The following SGMS1 variants were observed in gnomAD, a reference collection of about 807,000 sequenced individuals.
The protein encoded by SGMS1 is phosphatidylcholine:ceramide cholinephosphotransferase 1.
In SGMS1, 13 loss-of-function variants were observed where a neutral mutation model predicts 46.2. The ratio of observed to expected loss-of-function variants is 0.28; its 90% CI spans 0.18 to 0.45. The LOEUF (loss-of-function observed/expected upper bound fraction) is 0.45. Among genes scored for constraint, SGMS1 ranks in the 20% least tolerant of loss-of-function variants. SGMS1 has a pLI of 1.00. For synonymous variants in SGMS1, 203 were observed against 187.8 expected, an observed-to-expected ratio of 1.08 and a Z score of -0.66; for missense variants, 324 against 519.9, an observed-to-expected ratio of 0.62 and a Z score of 3.66.
chr10:50,503,389 G>C (rs763347411), intron 3 of SGMS1, among the ~76,000 whole-genome samples: 1 of 152,042 alleles, frequency 6.6e-6, no homozygotes, highest in Non-Finnish European at 1.5e-5. Flanking sequence ...CCTGTGACCC[G>C]CATGTACACA....
intron 7 of SGMS1, among the ~76,000 whole-genome samples, chr10:50,330,739 C>A (rs1325023469): frequency 6.6e-6 from 1 of 152,072 alleles, no homozygotes; most frequent in East Asian, 1.9e-4. Flanking sequence ...AGGCAATACA[C>A]AAGGGAGAGC....
intron 2 of SGMS1, among the ~76,000 whole-genome samples, chr10:50,538,383 G>A (rs941628535): frequency 3.3e-5 from 5 of 150,932 alleles, no homozygotes; most frequent in East Asian, 3.9e-4. Flanking sequence ...GCATGAACCC[G>A]GGAGGCGGAG....
At chr10:50,580,298 A>G (rs1392496575) in intron 2 of SGMS1, among the ~76,000 whole-genome samples, 2 of 152,198 alleles carry the variant, frequency 1.3e-5, no homozygotes, top group Non-Finnish European at 1.5e-5. Context: ...CAATAAAAAC[A>G]AAACCTACAA....
chr10:50,604,641 T>C (rs886110294), intron 1 of SGMS1, among the ~76,000 whole-genome samples: 3 of 152,236 alleles, frequency 2.0e-5, no homozygotes, highest in African/African-American at 7.2e-5. Flanking sequence ...ATTTGACTGA[T>C]TGCCAAATGT....
chr10:50,311,123 C>A, intron 9 of SGMS1, 139 bp downstream of exon 9: 1 of 959,448 alleles, frequency 1.0e-6, no homozygotes, highest in East Asian at 2.4e-5. Context: ...AGTTGCATGG[C>A]GATGAGATGA....
At chr10:50,590,685 A>G (rs1319722117) in intron 1 of SGMS1, 1 of 152,218 alleles carries the variant, frequency 6.6e-6, no homozygotes, top group Non-Finnish European at 1.5e-5. Flanking sequence ...AAAACTTGCT[A>G]GATAAATTCT....
chr10:50,418,095 G>C (rs370521820), intron 6 of SGMS1: 3 of 152,240 alleles, frequency 2.0e-5, no homozygotes, highest in African/African-American at 7.2e-5. Context: ...GTGTCTCCTG[G>C]AAAGTTCCTG....
At chr10:50,322,783 G>T (rs1275289913) in intron 8 of SGMS1, among the ~76,000 whole-genome samples, 1 of 138,608 alleles carries the variant, frequency 7.2e-6, no homozygotes, top group Non-Finnish European at 1.5e-5. Context: ...AGTGAGCCGA[G>T]ATTGCGCCAC....
In SGMS1 at chr10:50,307,957, T is replaced by C; in HGVS notation, c.1062+25A>G. On this transcript the variant is annotated intron_variant, in intron 10 of 10. Transcript: ENST00000361781. This position sits in a 1 kb window ranked among gnomAD's most constrained non-coding sequence, Gnocchi z 4.2. Reference sequence around the variant, plus strand: ...ACATCAAGCCAGAAACAACAGAAGCTAAAATCAAAAGCGGGGAAACTCACT... The same window carrying C: ...ACATCAAGCCAGAAACAACAGAAGCCAAAATCAAAAGCGGGGAAACTCACT... 4 of 1,612,562 alleles carry C rather than the reference T, an allele frequency of 2.5e-6. No individual in the cohort carries two copies. The highest frequency in any genetic ancestry group is 3.4e-6 in the Non-Finnish European group (4 of 1,179,670).
chr10:50,336,550 C>T (rs940076736), intron 7 of SGMS1, among the ~76,000 whole-genome samples: 4 of 152,100 alleles, frequency 2.6e-5, no homozygotes, highest in African/African-American at 4.8e-5. Flanking sequence ...AACACATGCA[C>T]GTCTCCCAGA....
intron 2 of SGMS1, among the ~76,000 whole-genome samples, chr10:50,547,044 C>G (rs1045447688): frequency 6.6e-6 from 1 of 152,090 alleles, no homozygotes; most frequent in Non-Finnish European, 1.5e-5. Flanking sequence ...AACAGAGACT[C>G]CTGGTTTACA....
intron 7 of SGMS1, among the ~76,000 whole-genome samples, chr10:50,338,188 C>T (rs1847748649): frequency 6.6e-6 from 1 of 152,184 alleles, no homozygotes; most frequent in Admixed American, 6.5e-5. Flanking sequence ...ACTAGCCTCT[C>T]TACAAATCAA....
intron 1 of SGMS1, among the ~76,000 whole-genome samples, chr10:50,597,215 C>G (rs148037355): frequency 1.3e-5 from 2 of 152,168 alleles, no homozygotes; most frequent in Non-Finnish European, 2.9e-5. Flanking sequence ...CAAACAAACA[C>G]ATGAAAAGAT....
At chr10:50,436,985 T>C (rs1849482150) in intron 5 of SGMS1, among the ~76,000 whole-genome samples, 1 of 152,254 alleles carries the variant, frequency 6.6e-6, no homozygotes, top group African/African-American at 2.4e-5. Context: ...GTAATTTCTG[T>C]AAGCCTCAGT....
In SGMS1 at chr10:50,527,086, A is replaced by AAAG. The variant is rs1554790002; in HGVS notation, c.-588-7166_-588-7165insCTT. 4.3e-3 allele frequency among the ~76,000 whole-genome samples: 613 copies of AAAG among 144,180 alleles called. 1 individual carries two copies. The highest frequency in any genetic ancestry group is 0.016 in the African/African-American group (584 of 36,018). 94.6% of individuals were successfully genotyped at this position (144,180 alleles called of 152,430 possible). A position where few individuals can be genotyped will look rare whatever the true frequency, so the allele number is the denominator to read the frequency against. ...CTCAAAAAAAAAAAAAAAAAAAAAA[A>AAAG]AAAGAAAGAAAGAAAAGAAAAAGAA... On this transcript the variant is annotated intron_variant, in intron 2 of 10. Transcript: ENST00000361781.
At chr10:50,371,449 G>C (rs1343366115) in intron 6 of SGMS1, among the ~76,000 whole-genome samples, 2 of 152,156 alleles carry the variant, frequency 1.3e-5, no homozygotes, top group Non-Finnish European at 1.5e-5. Context: ...TTGAATTATT[G>C]CAGTAACTTC....
chr10:50,527,698 A>G (rs1299549611), intron 2 of SGMS1, among the ~76,000 whole-genome samples: 2 of 152,222 alleles, frequency 1.3e-5, no homozygotes, highest in African/African-American at 4.8e-5. Flanking sequence ...GAAGAAGAAA[A>G]GGCCTTTAAC....
At chr10:50,465,168 G>A (rs1837314756) in intron 4 of SGMS1, among the ~76,000 whole-genome samples, 3 of 152,142 alleles carry the variant, frequency 2.0e-5, no homozygotes, top group Non-Finnish European at 4.4e-5. Context: ...TGCAGATTTT[G>A]ATACATGATA....
intron 2 of SGMS1, among the ~76,000 whole-genome samples, chr10:50,527,943 A>G (rs923377573): frequency 1.3e-5 from 2 of 152,226 alleles, no homozygotes; most frequent in Admixed American, 6.5e-5. Context: ...TCTCTCTTCA[A>G]TATCCTCATA....
Sources: allele counts gnomAD v4.1 joint callset (sites outside exome capture counted in the v4.1 genomes callset), GRCh38; gene constraint gnomAD v4.1.1; non-coding constraint Gnocchi (gnomAD v3.1); transcripts MANE v1.5; gene names NCBI Gene and HGNC (gene_info 2026-07-23, HGNC 2026-07-21).